The following PKD1 variants were observed in gnomAD, a reference collection of about 807,000 sequenced individuals.
PKD1 encodes the protein polycystin-1.
In PKD1, 81 loss-of-function variants were observed where a neutral mutation model predicts 361.7. The observed-to-expected ratio is 0.22, with a 90% confidence interval of 0.19 to 0.27. The LOEUF is 0.27. Among genes scored for constraint, PKD1 ranks in the 10% least tolerant of loss-of-function variants. The pLI is 1.00. For missense variants in PKD1, 6,399 were observed against 6,118.3 expected, an observed-to-expected ratio of 1.05 and a Z score of -1.53; for synonymous variants, 3,615 against 2,818.3, an observed-to-expected ratio of 1.28 and a Z score of -8.95.
rs1472513336 is a variant in PKD1, at chr16:2,107,965, T to G, written c.6983A>C (p.Glu2328Ala). 1 of 1,548,182 alleles carries G rather than the reference T, an allele frequency of 6.5e-7. No homozygotes were observed. The highest frequency in any genetic ancestry group is 8.7e-7 in the Non-Finnish European group (1 of 1,147,154). The change falls in exon 16 of 46, where the codon GAG (glutamate) becomes GCG (alanine). Residue 2328 changes from glutamate (E) to alanine (A), a missense_variant. By Grantham distance (107) the Glu-to-Ala change is moderately radical (BLOSUM62 -1). Coordinates refer to ENST00000262304, the MANE Select transcript of PKD1 (RefSeq NM_001009944.3). ...GTACTCCACGCCAGCCGCCAGCCGC[T>G]CCCGTGGAATGGTGACCGTGCTGCT... The part of the protein sequence containing the change: ...RGSSTVTIPR[E>A]RLAAGVEYTF...
chr16:2,125,015 C>G (rs1057227050), intron 1 of PKD1, among the ~76,000 whole-genome samples: 2 of 152,188 alleles, frequency 1.3e-5, no homozygotes, highest in African/African-American at 4.8e-5. Context: ...AGTGTGGGCG[C>G]TGGAGAGGAC....
chr16:2,097,441 G>C lies in PKD1; in HGVS notation c.10283C>G (p.Ser3428Cys). ...CTGCCGCAGATTGCTACCCACAATG[G>C]ACGGGTCACTGAGCAGGTCCGGCCA... Reference protein sequence around the residue: ...LSWPDLLSDPSIVGSNLRQLA... With the variant: ...LSWPDLLSDPCIVGSNLRQLA... The change falls in exon 33 of 46, where the codon TCC becomes TGC. Residue 3428 changes from serine to cysteine, a missense_variant. Ser to Cys is a moderately radical substitution (Grantham distance 112). Transcript: ENST00000262304. The C allele has an allele frequency of 6.2e-7, 1 of 1,606,890 alleles. No individual in the cohort carries two copies. The highest frequency in any genetic ancestry group is 8.5e-7 in the Non-Finnish European group (1 of 1,179,936).
At chr16:2,103,934 TAGAG>T (rs1362955830) in intron 22 of PKD1, 39 bp from the exon 23 acceptor site, 2 of 1,244,972 alleles carry the variant, frequency 1.6e-6, no homozygotes, top group African/African-American at 2.5e-5. Context: ...GACAGGGAGG[TAGAG>T]GGAGGGTGGG....
intron 11 of PKD1, chr16:2,113,949 G>A (rs989184369): frequency 5.0e-6 from 3 of 597,438 alleles, no homozygotes; most frequent in South Asian, 4.0e-5. Flanking sequence ...AAATGAGACA[G>A]TGGAATGAGT....
Position 2,111,473 on chromosome 16 carries a change from T to C in PKD1, c.3694A>G (p.Ser1232Gly), listed in dbSNP as rs1267051267. The C allele has an allele frequency of 1.2e-6, 2 of 1,611,468 alleles. No homozygotes were observed. The highest frequency in any genetic ancestry group is 1.7e-5 in the Admixed American group (1 of 59,918). ...AVEQGAPVVV[S>G]AAVQTGDNIT... ...TTGTCGCCCGTCTGCACCGCGGCGC[T>C]GACCACCACGGGGGCGCCCTGCTCC... The change falls in exon 15 of 46, where the codon AGC (serine) becomes GGC (glycine). Residue 1232 changes from serine (S) to glycine (G), a missense_variant. Ser to Gly is a moderately conservative substitution (Grantham distance 56). Coordinates refer to ENST00000262304, the MANE Select transcript of PKD1 (RefSeq NM_001009944.3).
At chr16:2,119,518 G>A in intron 1 of PKD1, 140 bp from the exon 2 acceptor site, 1 of 708,058 alleles carries the variant, frequency 1.4e-6, no homozygotes, top group Non-Finnish European at 2.5e-6. Context: ...GGTCAGGAGG[G>A]GACTTTCTGA....
rs781160268 is a variant in PKD1, at chr16:2,106,529, C to T, written c.7358G>A (p.Arg2453His). The T allele has an allele frequency of 3.2e-5, 51 of 1,595,984 alleles. No individual in the cohort carries two copies. Among genetic ancestry groups the T allele is most frequent in the African/African-American group, 2.5e-4 (19 of 74,928 alleles). ...GGCGCAGCCCTCCTCCTCGCCAGAG[C>T]GGCCCAGCACCGTGAGCGTGAAGGT... ...GYTFTLTVLG[R>H]SGEEEGCASI... The change falls in exon 18 of 46, where the codon CGC becomes CAC. Residue 2453 changes from arginine (R) to histidine (H), a missense_variant. Arg to His is a conservative substitution (Grantham distance 29). Transcript: ENST00000262304. The surrounding 1 kb of genome is among the most constrained non-coding windows in gnomAD (Gnocchi z 6.5).
Position 2,110,832 on chromosome 16 carries a change from G to A in PKD1, c.4335C>T (p.Val1445=). The change falls in exon 15 of 46, where the codon GTC becomes GTT. Residue 1445 remains valine (V), a synonymous_variant. Transcript: ENST00000262304. Reference sequence around the variant, plus strand: ...CAGCAGAGATGTTGTTGGACGCGGTGACTGTCACAAGATAGGAGCCTGGGT... The same window carrying A: ...CAGCAGAGATGTTGTTGGACGCGGTAACTGTCACAAGATAGGAGCCTGGGT... ...YRDPGSYLVT[V]TASNNISAAN... 6.2e-7 allele frequency: 1 copy of A among 1,611,800 alleles called. No homozygotes were observed. The highest frequency in any genetic ancestry group is 8.5e-7 in the Non-Finnish European group (1 of 1,179,844).
chr16:2,091,241 ACGCTGCCGGGGCGGGGCCCTACGAGGGGG>A, intron 42 of PKD1, 67 bp from the exon 43 acceptor site: 1 of 678,782 alleles, frequency 1.5e-6, no homozygotes, highest in African/African-American at 2.3e-5. Flanking sequence ...AGGGGGCGGG[ACGCTGCCGGGGCGGGGCCCTACGAGGGGG>A]CGGGACGCTG....
In PKD1 at chr16:2,090,213, CTCAG is replaced by C. The variant is rs773016041; in HGVS notation, c.12445-23_12445-20del. The C allele has an allele frequency of 1.9e-6, 3 of 1,608,286 alleles. No individual in the cohort carries two copies. Among genetic ancestry groups the C allele is most frequent in the African/African-American group, 1.3e-5 (1 of 74,846 alleles). On this transcript the variant is annotated intron_variant, in intron 45 of 45. Transcript: ENST00000262304. ...GGCGGAACTGGGGGCGGCACAGGGG[CTCAG>C]TCAGTCCGGCTGCACCCTGGGCAGA...
Position 2,090,823 on chromosome 16 carries a change from T to C in PKD1, c.12004-15A>G, listed in dbSNP as rs769739656. On this transcript the variant is annotated splice_polypyrimidine_tract_variant and intron_variant, in intron 43 of 45. Coordinates refer to ENST00000262304, the MANE Select transcript of PKD1 (RefSeq NM_001009944.3). ...TGCTGGGCAGCCTGCGGACGAGAAA[T>C]CTGTCTGCTTGCAGCCCTGGGGTGT... The C allele has an allele frequency of 8.1e-6, 13 of 1,611,898 alleles. No individual in the cohort carries two copies. Among genetic ancestry groups the C allele is most frequent in the Non-Finnish European group, 1.0e-5 (12 of 1,179,904 alleles).
At chr16:2,093,516 C>T (rs199678930) in intron 37 of PKD1, 28 bp downstream of exon 37, 604 of 1,575,220 alleles carry the variant, frequency 3.8e-4, no homozygotes, top group Non-Finnish European at 4.9e-4. Context: ...ACGGAGGTGG[C>T]AGGGGCACAG....
Position 2,090,179 on chromosome 16 carries a change from G to C in PKD1, c.12460C>G (p.Arg4154Gly). Residue 4154 changes from arginine (R) to glycine (G), a missense_variant, in exon 46 of 46, where the codon CGC (arginine) becomes GGC (glycine). By Grantham distance (125) the Arg-to-Gly change is moderately radical. Coordinates refer to ENST00000262304, the MANE Select transcript of PKD1 (RefSeq NM_001009944.3). ...GGCAGCGGCTCCATCCCTTCAAAGC[G>C]GACTTTGTGGCGGAACTGGGGGCGG... ...SKVKEFRHKVRFEGMEPLPSR... is the reference protein window; with the variant it reads ...SKVKEFRHKVGFEGMEPLPSR... 6.2e-7 allele frequency: 1 copy of C among 1,602,748 alleles called. No homozygotes were observed.
At chr16:2,107,775 AG>A (rs1192843999) in intron 16 of PKD1, 107 bp downstream of exon 16, 1 of 1,020,900 alleles carries the variant, frequency 9.8e-7, no homozygotes, top group African/African-American at 1.6e-5. Flanking sequence ...TCAGAAACAG[AG>A]AGGGGAGAGC....
chr16:2,092,409 G>A (rs1167171956), intron 39 of PKD1, 71 bp downstream of exon 39: 1 of 1,146,090 alleles, frequency 8.7e-7, no homozygotes, highest in Non-Finnish European at 1.3e-6. Flanking sequence ...GCTGATGCCA[G>A]AGCTCCGCTA....
At chr16:2,093,357 G>A (rs916572607) in intron 37 of PKD1, 187 bp downstream of exon 37, 3 of 695,250 alleles carry the variant, frequency 4.3e-6, no homozygotes, top group African/African-American at 3.6e-5. Context: ...GCTGGGCCCT[G>A]GCAGGGACTG....
intron 37 of PKD1, 36 bp from the exon 38 acceptor site, chr16:2,093,129 C>T (rs1486710689): frequency 6.2e-7 from 1 of 1,610,782 alleles, no homozygotes; most frequent in South Asian, 1.1e-5. Flanking sequence ...CAGCCTGGCC[C>T]CAGCCCACAG....
chr16:2,114,065 C>A, intron 11 of PKD1, 105 bp downstream of exon 11: 1 of 983,626 alleles, frequency 1.0e-6, no homozygotes, highest in Non-Finnish European at 1.5e-6. Flanking sequence ...TCCCCAGTAA[C>A]TGGGCTGCTG....
chr16:2,093,116 G>C lies in PKD1; in HGVS notation c.11017-23C>G, dbSNP rs368064248. 362 of 1,611,574 alleles carry C rather than the reference G, an allele frequency of 2.2e-4. 1 individual carries two copies. In the African/African-American group the frequency reaches 4.5e-3, roughly 20 times the overall value. The stretch of plus-strand genomic sequence containing the variant: ...GCTCTGGTGGACGGGGGGGCCCTGT[G>C]GTCAGCCTGGCCCCAGCCCACAGTG... On this transcript the variant is annotated intron_variant, in intron 37 of 45. Transcript: ENST00000262304.
Sources: allele counts gnomAD v4.1 joint callset (sites outside exome capture counted in the v4.1 genomes callset), GRCh38; gene constraint gnomAD v4.1.1; non-coding constraint Gnocchi (gnomAD v3.1); transcripts MANE v1.5; gene names NCBI Gene and HGNC (gene_info 2026-07-23, HGNC 2026-07-21).